The following KLHL1 variants were observed in gnomAD, a reference collection of about 807,000 sequenced individuals.
KLHL1 encodes the protein kelch-like protein 1.
A neutral mutation model predicts 77.7 loss-of-function variants in KLHL1; 47 were observed. That is an observed-to-expected ratio of 0.60 (90% CI 0.48 to 0.77). The LOEUF (loss-of-function observed/expected upper bound fraction) is 0.77. Among genes scored for constraint, KLHL1 ranks in the 30% least tolerant of loss-of-function variants. The pLI is 0.00. For synonymous variants in KLHL1, 360 were observed against 325.2 expected, an observed-to-expected ratio of 1.11 and a Z score of -1.15; for missense variants, 925 against 910.8, an observed-to-expected ratio of 1.02 and a Z score of -0.20.
chr13:69,802,328 C>T (rs1023668694), intron 6 of KLHL1, among the ~76,000 whole-genome samples: 2 of 152,066 alleles, frequency 1.3e-5, no homozygotes, highest in African/African-American at 2.4e-5. Flanking sequence ...AATAAACATA[C>T]GTATCCATGT....
intron 1 of KLHL1, among the ~76,000 whole-genome samples, chr13:70,060,481 A>T (rs1179650150): frequency 1.3e-5 from 2 of 152,192 alleles, no homozygotes; most frequent in East Asian, 3.9e-4. Context: ...TTATTGCTGC[A>T]CTATTTACAA....
chr13:69,747,402 T>C (rs963893190), intron 7 of KLHL1, among the ~76,000 whole-genome samples: 7 of 152,068 alleles, frequency 4.6e-5, no homozygotes, highest in Admixed American at 6.6e-5. Context: ...TCTCTCTATA[T>C]TGTAATTTAT....
At chr13:70,066,993 A>G (rs1005221652) in intron 1 of KLHL1, among the ~76,000 whole-genome samples, 2 of 152,244 alleles carry the variant, frequency 1.3e-5, no homozygotes, top group Non-Finnish European at 2.9e-5. Flanking sequence ...AATAAAATTT[A>G]TCAAGCACTT....
intron 7 of KLHL1, among the ~76,000 whole-genome samples, chr13:69,751,104 A>ATG (rs1491226199): frequency 3.2e-5 from 4 of 124,700 alleles, no homozygotes; most frequent in Non-Finnish European, 6.6e-5. Context: ...CATTCATGTC[A>ATG]TGTGTGTATG....
At chr13:69,762,946 A>G (rs1055059436) in intron 7 of KLHL1, among the ~76,000 whole-genome samples, 4 of 152,002 alleles carry the variant, frequency 2.6e-5, no homozygotes, top group African/African-American at 9.7e-5. Flanking sequence ...CTTGCTCCAT[A>G]ATCAGTCAGA....
At chr13:70,097,536 T>C (rs1321213633) in intron 1 of KLHL1, among the ~76,000 whole-genome samples, 1 of 152,032 alleles carries the variant, frequency 6.6e-6, no homozygotes, top group Non-Finnish European at 1.5e-5. Context: ...TTGTGTCTCA[T>C]CCAGCACCCC....
intron 5 of KLHL1, among the ~76,000 whole-genome samples, chr13:69,850,708 T>A (rs975789276): frequency 2.0e-5 from 3 of 151,804 alleles, no homozygotes; most frequent in South Asian, 2.1e-4. Context: ...AACATACACA[T>A]TGATCATTCA....
chr13:69,978,831 A>G (rs898846018), intron 1 of KLHL1, among the ~76,000 whole-genome samples: 1 of 152,154 alleles, frequency 6.6e-6, no homozygotes, highest in African/African-American at 2.4e-5. Context: ...ATAATCTAGG[A>G]AAAGTTAAGA....
intron 1 of KLHL1, among the ~76,000 whole-genome samples, chr13:70,084,650 A>ATTTTTTTTTTTTTTT (rs1887486259): frequency 1.4e-4 from 2 of 14,430 alleles, no homozygotes; most frequent in Non-Finnish European, 2.8e-4. Context: ...TTTTTTTTTG[A>ATTTTTTTTTTTTTTT]ATTTTTAGTA....
intron 6 of KLHL1, among the ~76,000 whole-genome samples, chr13:69,825,326 G>A (rs1210610317): frequency 6.6e-6 from 1 of 152,096 alleles, no homozygotes; most frequent in Non-Finnish European, 1.5e-5. Context: ...AGTACTGTTA[G>A]TGGAAGGGAG....
rs1403456176 is a variant in KLHL1 at position 69,954,711 on chromosome 13, T to G, written c.817+6597A>C. ...TCAATAACAACAACAAAAAGCTTCA[T>G]AACAGTCACAAAATTGAAATAGTTT... On this transcript the variant is annotated intron_variant, in intron 3 of 10. Coordinates refer to ENST00000377844, the MANE Select transcript of KLHL1 (RefSeq NM_020866.3). Among the ~76,000 whole-genome samples, 17 of 151,216 alleles carry G rather than the reference T, an allele frequency of 1.1e-4. No homozygotes were observed. The East Asian group carries it at 3.3e-3, about 29-fold the overall frequency.
At position 69,849,308 on chromosome 13, in the gene KLHL1, C is replaced by T. The variant is rs1335398516; in HGVS notation, c.1228-10146G>A. Among the ~76,000 whole-genome samples the T allele has an allele frequency of 2.0e-5, 3 of 151,524 alleles. 1 individual carries two copies. Among genetic ancestry groups the T allele is most frequent in the Middle Eastern group, 3.4e-3 (1 of 294 alleles). On this transcript the variant is annotated intron_variant, in intron 5 of 10. Coordinates refer to ENST00000377844, the MANE Select transcript of KLHL1 (RefSeq NM_020866.3). ...TTGTTATTGTTTGTAAGACATTATT[C>T]AACAAATTTAGATGAGTATGCCAAA...
intron 1 of KLHL1, among the ~76,000 whole-genome samples, chr13:70,056,420 G>C (rs1456061485): frequency 6.6e-6 from 1 of 151,988 alleles, no homozygotes; most frequent in Non-Finnish European, 1.5e-5. Flanking sequence ...TTTCAGCATT[G>C]GAAAGACCAT....
chr13:69,742,007 C>A (rs561773528), intron 7 of KLHL1, among the ~76,000 whole-genome samples: 108 of 152,240 alleles, frequency 7.1e-4, no homozygotes, highest in African/African-American at 2.5e-3. Flanking sequence ...CCTACCCAAT[C>A]TAGTTCCCCA....
At chr13:70,098,254 C>A (rs1887840520) in intron 1 of KLHL1, among the ~76,000 whole-genome samples, 3 of 151,768 alleles carry the variant, frequency 2.0e-5, no homozygotes, top group East Asian at 3.9e-4. Context: ...ACCTCATGTT[C>A]TTCATGTAGA....
At chr13:69,751,371 G>A (rs1174200965) in intron 7 of KLHL1, among the ~76,000 whole-genome samples, 1 of 151,966 alleles carries the variant, frequency 6.6e-6, no homozygotes, top group African/African-American at 2.4e-5. Context: ...GGAAAAGACA[G>A]GACTTGCTGA....
At chr13:69,786,459 C>T (rs1380829975) in intron 7 of KLHL1, among the ~76,000 whole-genome samples, 1 of 152,146 alleles carries the variant, frequency 6.6e-6, no homozygotes, top group Non-Finnish European at 1.5e-5. Context: ...TTCAACAACC[C>T]TTCATGCTAA....
intron 4 of KLHL1, among the ~76,000 whole-genome samples, chr13:69,933,980 A>G (rs1483067058): frequency 1.3e-5 from 2 of 152,158 alleles, no homozygotes; most frequent in African/African-American, 2.4e-5. Context: ...TAGGGCATGA[A>G]ATCTGTAGTG....
At position 69,708,284 on chromosome 13, in the gene KLHL1, TTTG is replaced by T. The variant is rs572366767; in HGVS notation, c.2016-491_2016-489del. On this transcript the variant is annotated intron_variant, in intron 9 of 10. Transcript: ENST00000377844. ...ATTTGTGCAAAAATAACTGTAGTGT[TTTG>T]TTGTTGTTGTTGTTTTGTTTTGTTT... Among the ~76,000 whole-genome samples the T allele has an allele frequency of 4.1e-4, 63 of 152,058 alleles. No individual in the cohort carries two copies. In the South Asian group the frequency reaches 5.2e-3, roughly 12 times the overall value.
Sources: gnomAD v4.1 joint callset for allele counts (sites outside exome capture counted in the v4.1 genomes callset) on GRCh38, gnomAD v4.1.1 for gene constraint, MANE v1.5 for transcripts, NCBI Gene and HGNC (gene_info 2026-07-23, HGNC 2026-07-21) for gene names.